NTM: variants seen among roughly 807,000 people sequenced by gnomAD.
The protein encoded by NTM is IgLON family member 2.
A neutral mutation model predicts 42.1 loss-of-function variants in NTM; 13 were observed. The observed-to-expected ratio is 0.31, with a 90% CI of 0.20 to 0.49. The LOEUF (loss-of-function observed/expected upper bound fraction) is 0.49, where lower values mean the gene tolerates loss of function less well. Ranked by LOEUF, NTM falls within the 20% of genes least tolerant of loss-of-function variation. The pLI, the probability that NTM is intolerant of heterozygous loss-of-function variation, is 0.99. For missense variants in NTM, 373 were observed against 452.8 expected, an observed-to-expected ratio of 0.82 and a Z score of 1.60; for synonymous variants, 187 against 179.2, an observed-to-expected ratio of 1.04 and a Z score of -0.35.
chr11:131,491,184 G>C (rs1169756034), intron 1 of NTM, among the ~76,000 whole-genome samples: 1 of 152,156 alleles, frequency 6.6e-6, no homozygotes, highest in Non-Finnish European at 1.5e-5. Context: ...TTGGGAAGCT[G>C]AAAGAAACTG....
At chr11:131,620,773 A>G (rs1381238060) in intron 1 of NTM, among the ~76,000 whole-genome samples, 3 of 152,140 alleles carry the variant, frequency 2.0e-5, no homozygotes, top group African/African-American at 4.8e-5. Flanking sequence ...GTGCTCTGGG[A>G]TTGTAGATCA....
intron 1 of NTM, among the ~76,000 whole-genome samples, chr11:131,815,669 A>G (rs1412033230): frequency 6.6e-6 from 1 of 151,930 alleles, no homozygotes; most frequent in Non-Finnish European, 1.5e-5. Context: ...AGCCCCTCGG[A>G]TCAGGATCCA....
intron 2 of NTM, among the ~76,000 whole-genome samples, chr11:131,924,531 T>TACACA (rs2057687246): frequency 6.6e-6 from 1 of 152,226 alleles, no homozygotes; most frequent in South Asian, 2.1e-4. Context: ...CAAAGGAATG[T>TACACA]GAGCCGAAGC....
chr11:131,817,626 G>T (rs1489684948), intron 1 of NTM, among the ~76,000 whole-genome samples: 1 of 152,214 alleles, frequency 6.6e-6, no homozygotes, highest in Admixed American at 6.5e-5. Context: ...GAGTTTTAGT[G>T]CAGCATGCAG....
At chr11:131,691,505 C>G (rs949862394) in intron 1 of NTM, among the ~76,000 whole-genome samples, 1 of 152,168 alleles carries the variant, frequency 6.6e-6, no homozygotes, top group Non-Finnish European at 1.5e-5. Context: ...CCTCCTGGCC[C>G]CCCGCCAAGG....
At chr11:132,230,378 G>A (rs1213277232) in intron 4 of NTM, among the ~76,000 whole-genome samples, 4 of 152,226 alleles carry the variant, frequency 2.6e-5, no homozygotes, top group Admixed American at 2.6e-4. Context: ...AATAGGGAAA[G>A]TGAGGTGCAG....
rs534172824 is a variant in NTM at position 131,675,811 on chromosome 11, T to C, written c.83-235753T>C. On this transcript the variant is annotated intron_variant, in intron 1 of 8. Transcript: ENST00000683400. Reference sequence around the variant, plus strand: ...GTCTCAGATGAAGGTGACTCAAGACTTCAGGCAGAGGATGTTTTCCATTTA... The same window carrying C: ...GTCTCAGATGAAGGTGACTCAAGACCTCAGGCAGAGGATGTTTTCCATTTA... Among the ~76,000 whole-genome samples the C allele has an allele frequency of 3.3e-5, 5 of 152,320 alleles. No homozygotes were observed. The South Asian group carries it at 8.3e-4, about 25-fold the overall frequency.
chr11:132,256,252 C>T (rs969612696), intron 4 of NTM, among the ~76,000 whole-genome samples: 10 of 152,210 alleles, frequency 6.6e-5, no homozygotes, highest in Non-Finnish European at 1.2e-4. Context: ...CTCCCACGTG[C>T]AGCCCTTCAT....
intron 3 of NTM, among the ~76,000 whole-genome samples, chr11:132,193,373 A>G (rs1023303453): frequency 6.6e-6 from 1 of 152,206 alleles, no homozygotes; most frequent in South Asian, 2.1e-4. Context: ...ATAAAATTGC[A>G]TGGAAGTTAA....
intron 2 of NTM, among the ~76,000 whole-genome samples, chr11:132,001,277 T>C (rs1452777597): frequency 2.0e-5 from 3 of 152,192 alleles, no homozygotes; most frequent in Non-Finnish European, 4.4e-5. Context: ...GCAAAGATGG[T>C]ATCTTAGTAC....
At chr11:132,259,828 C>T (rs1432086080) in intron 4 of NTM, among the ~76,000 whole-genome samples, 12 of 151,978 alleles carry the variant, frequency 7.9e-5, no homozygotes, top group African/African-American at 2.9e-4. Flanking sequence ...TGGCTCACTG[C>T]AAACTCCGCC....
intron 2 of NTM, among the ~76,000 whole-genome samples, chr11:132,078,442 G>A (rs907048035): frequency 6.6e-6 from 1 of 152,236 alleles, no homozygotes; most frequent in Non-Finnish European, 1.5e-5. Context: ...GACGCTAGCA[G>A]TAGGCTCTGG....
chr11:132,266,517 C>T (rs933991422), intron 4 of NTM, among the ~76,000 whole-genome samples: 3 of 152,162 alleles, frequency 2.0e-5, no homozygotes, highest in Non-Finnish European at 1.5e-5. Flanking sequence ...CTAGGTAGAG[C>T]CAAATAGAAG....
At chr11:131,770,515 T>A (rs2085892572) in intron 1 of NTM, among the ~76,000 whole-genome samples, 1 of 152,162 alleles carries the variant, frequency 6.6e-6, no homozygotes, top group Admixed American at 6.6e-5. Context: ...AGGAATTAGG[T>A]GTTTCCTTTC....
Position 131,397,055 on chromosome 11 carries a change from G to A in NTM, c.82+26167G>A, listed in dbSNP as rs753296249. 4.6e-5 allele frequency among the ~76,000 whole-genome samples: 7 copies of A among 152,214 alleles called. No homozygotes were observed. The East Asian group carries it at 1.2e-3, about 25-fold the overall frequency. On this transcript the variant is annotated intron_variant, in intron 1 of 8. Coordinates refer to ENST00000683400, the MANE Select transcript of NTM (RefSeq NM_001352005.2). ...CACTCAGGAATAACTGGGAAAAAGTGGTCCTGTTTTGACCATCTGAGCTCT... is the reference window on the plus strand; with the variant it reads ...CACTCAGGAATAACTGGGAAAAAGTAGTCCTGTTTTGACCATCTGAGCTCT...
At chr11:132,233,505 G>C (rs1360210064) in intron 4 of NTM, among the ~76,000 whole-genome samples, 1 of 152,202 alleles carries the variant, frequency 6.6e-6, no homozygotes, top group African/African-American at 2.4e-5. Flanking sequence ...GGCTCACAAT[G>C]AATTTCATAT....
chr11:131,444,246 G>A (rs1949863275), intron 1 of NTM, among the ~76,000 whole-genome samples: 1 of 149,872 alleles, frequency 6.7e-6, no homozygotes, highest in African/African-American at 2.5e-5. Flanking sequence ...CAATATGGGG[G>A]ACAGAAAGAA....
intron 2 of NTM, among the ~76,000 whole-genome samples, chr11:131,970,738 G>T (rs1230724986): frequency 6.6e-6 from 1 of 152,114 alleles, no homozygotes; most frequent in Non-Finnish European, 1.5e-5. Context: ...CAGATGCAGG[G>T]TGGCTGAGGG....
At chr11:131,619,413 G>A (rs1001196876) in intron 1 of NTM, among the ~76,000 whole-genome samples, 1 of 152,180 alleles carries the variant, frequency 6.6e-6, no homozygotes, top group African/African-American at 2.4e-5. Flanking sequence ...ACTGAGGCTA[G>A]GACACACACC....
Sources: gnomAD v4.1 joint callset for allele counts (sites outside exome capture counted in the v4.1 genomes callset) on GRCh38, gnomAD v4.1.1 for gene constraint, MANE v1.5 for transcripts, NCBI Gene and HGNC (gene_info 2026-07-23, HGNC 2026-07-21) for gene names.